LRBA: variants seen among roughly 807,000 people sequenced by gnomAD.
LRBA encodes the protein lipopolysaccharide-responsive and beige-like anchor protein.
LRBA carries 176 observed loss-of-function variants against 330.0 expected under a neutral mutation model. The observed-to-expected ratio is 0.53, with a 90% CI of 0.47 to 0.60. LRBA has a LOEUF of 0.60. LRBA is among the 20% of genes least tolerant of loss of function. The probability of loss-of-function intolerance (pLI) is 0.00; values close to 1 mark genes in which losing one functional copy is unlikely to be tolerated. For synonymous variants in LRBA, 1,230 were observed against 1,193.0 expected (o/e 1.03, Z -0.64); for missense variants, 3,259 against 3,444.8 (o/e 0.95, Z 1.35).
At chr4:150,604,587 A>T (rs1448818945) in intron 37 of LRBA, among the ~76,000 whole-genome samples, 2 of 152,136 alleles carry the variant, frequency 1.3e-5, no homozygotes, top group Non-Finnish European at 2.9e-5. Flanking sequence ...GATGTCATGG[A>T]AAAGGCAGAT....
rs1381955421 is a variant in LRBA at position 150,905,844 on chromosome 4, T to A, written c.1749A>T (p.Pro583=). The A allele has an allele frequency of 8.7e-6, 14 of 1,612,122 alleles. No individual in the cohort carries two copies. Among genetic ancestry groups the A allele is most frequent in the Non-Finnish European group, 1.1e-5 (13 of 1,178,850 alleles). Residue 583 remains proline (P), a synonymous_variant, in exon 13 of 57, where the codon CCA becomes CCT. Transcript: ENST00000651943. ...ATATATAGATATATATTACCTTGGC[T>A]GGGGTATGAATCCATATGGCAGGAT... ...LLNPAIWIHT[P]AKVQLMLYTY... is the part of the protein sequence containing the mutation.
chr4:150,942,057 A>G (rs1735729012), intron 2 of LRBA, among the ~76,000 whole-genome samples: 1 of 152,218 alleles, frequency 6.6e-6, no homozygotes, highest in Admixed American at 6.5e-5. Flanking sequence ...GAATGTCACT[A>G]GAAACAAATA....
rs1319715023 is a variant in LRBA, at chr4:150,964,091, G to A, written c.217-35026C>T. Among the ~76,000 whole-genome samples the A allele has an allele frequency of 2.0e-5, 3 of 148,842 alleles. 1 individual carries two copies. The highest frequency in any genetic ancestry group is 7.8e-5 in the African/African-American group (3 of 38,396). ...AGCCTCCCCGTCCGGGAAGTGAGGA[G>A]CGTCTCCGCCCGGCAGCCGCCCCGT... On this transcript the variant is annotated intron_variant, in intron 2 of 56. Transcript: ENST00000651943.
intron 2 of LRBA, among the ~76,000 whole-genome samples, chr4:150,937,783 G>T (rs1347550028): frequency 6.6e-6 from 1 of 152,046 alleles, no homozygotes; most frequent in Non-Finnish European, 1.5e-5. Flanking sequence ...TATAAGTTTT[G>T]TATGAGGACT....
rs1731302492 is a variant in LRBA at position 150,906,063 on chromosome 4, G to A, written c.1603-73C>T. ...AGTGAATTACAGGCTGTCCCTACCA[G>A]GAAAAAAACTGGCCCACAAATTATG... is the stretch of plus-strand genomic sequence containing the variant. On this transcript the variant is annotated intron_variant, in intron 12 of 56. Coordinates refer to ENST00000651943, the MANE Select transcript of LRBA (RefSeq NM_001364905.1). 17 of 1,325,242 alleles carry A rather than the reference G, an allele frequency of 1.3e-5. No individual in the cohort carries two copies. The South Asian group carries it at 2.0e-4, about 16-fold the overall frequency. The allele number at this position is 1,325,242 out of a possible 1,614,324, so 82.1% of individuals were successfully genotyped here.
At chr4:150,443,853 A>AAAATATATATATATATAT (rs70941406) in intron 44 of LRBA, among the ~76,000 whole-genome samples, 1 of 75,468 alleles carries the variant, frequency 1.3e-5, no homozygotes, top group Admixed American at 1.4e-4. Context: ...TAATTAAAAA[A>AAAATATATATATATATAT]ATATATATAT....
chr4:150,310,231 G>A lies in LRBA; in HGVS notation c.7847C>T (p.Thr2616Ile), dbSNP rs528727802. Residue 2616 changes from threonine (T) to isoleucine (I), a missense_variant and splice_region_variant, in exon 52 of 57, where the codon ACA becomes ATA. Coordinates refer to ENST00000651943, the MANE Select transcript of LRBA (RefSeq NM_001364905.1). ...DKSFRVYSTD[T>I]GRLIQVVFGH... Reference sequence around the variant, plus strand: ...CTGATAAAGAAAATGAAAATTACCTGTGTCTGTAGAATAGACTCTGAAACT... The same window carrying A: ...CTGATAAAGAAAATGAAAATTACCTATGTCTGTAGAATAGACTCTGAAACT... The A allele has an allele frequency of 5.5e-5, 89 of 1,607,648 alleles. No individual in the cohort carries two copies. Among genetic ancestry groups the A allele is most frequent in the Non-Finnish European group, 7.4e-5 (87 of 1,175,068 alleles).
Position 150,820,561 on chromosome 4 carries a change from T to TA in LRBA, c.5172-3305_5172-3304insT, listed in dbSNP as rs1340772062. 4.6e-5 allele frequency among the ~76,000 whole-genome samples: 7 copies of TA among 152,114 alleles called. No individual in the cohort carries two copies. In the South Asian group the frequency reaches 1.4e-3, roughly 31 times the overall value. ...TGAATTATTTCATATAGCTACATAATTAGTATATAATAGAGAAATAAAATC... is the reference window on the plus strand; with the variant it reads ...TGAATTATTTCATATAGCTACATAATATAGTATATAATAGAGAAATAAAATC... On this transcript the variant is annotated intron_variant, in intron 30 of 56. Transcript: ENST00000651943.
At chr4:150,568,700 T>A (rs1368865162) in intron 40 of LRBA, among the ~76,000 whole-genome samples, 1 of 152,142 alleles carries the variant, frequency 6.6e-6, no homozygotes, top group Non-Finnish European at 1.5e-5. Context: ...CAAGATTATA[T>A]CAAATTAACA....
At chr4:150,934,600 G>T (rs921009701) in intron 2 of LRBA, among the ~76,000 whole-genome samples, 1 of 152,076 alleles carries the variant, frequency 6.6e-6, no homozygotes, top group Non-Finnish European at 1.5e-5. Flanking sequence ...GGCTGGGTGC[G>T]GTGGCTCACA....
intron 53 of LRBA, among the ~76,000 whole-genome samples, chr4:150,290,500 G>A (rs1442477028): frequency 6.6e-6 from 1 of 152,028 alleles, no homozygotes; most frequent in Non-Finnish European, 1.5e-5. Flanking sequence ...AATTGTCATG[G>A]CCTTCAATAA....
intron 36 of LRBA, among the ~76,000 whole-genome samples, chr4:150,714,600 T>C (rs1002440322): frequency 1.3e-5 from 2 of 152,160 alleles, no homozygotes; most frequent in African/African-American, 4.8e-5. Flanking sequence ...CTCTAGTTAA[T>C]ACCAATGTAT....
At chr4:150,359,009 G>A (rs1317408789) in intron 47 of LRBA, among the ~76,000 whole-genome samples, 1 of 151,848 alleles carries the variant, frequency 6.6e-6, no homozygotes, top group Non-Finnish European at 1.5e-5. Flanking sequence ...AAAATCCTTG[G>A]CAAAGTAGAA....
rs571977419 is a variant in LRBA at position 150,414,183 on chromosome 4, C to T, written c.7194+1255G>A. ...ACCAAAGCTCAGAAAGGTTAAACTG[C>T]TAAGGTCCCACAATCAGCAATGTGA... On this transcript the variant is annotated intron_variant, in intron 47 of 56. Transcript: ENST00000651943. 4.6e-5 allele frequency among the ~76,000 whole-genome samples: 7 copies of T among 152,234 alleles called. No individual in the cohort carries two copies. The South Asian group carries it at 1.5e-3, about 32-fold the overall frequency.
intron 37 of LRBA, among the ~76,000 whole-genome samples, chr4:150,675,589 G>A (rs900307459): frequency 1.5e-4 from 23 of 151,964 alleles, no homozygotes; most frequent in Admixed American, 7.2e-4. Flanking sequence ...GTGGTGGCAC[G>A]TGCCTGTAGT....
At chr4:150,605,460 C>T (rs754942044) in intron 37 of LRBA, among the ~76,000 whole-genome samples, 1 of 152,146 alleles carries the variant, frequency 6.6e-6, no homozygotes, top group Non-Finnish European at 1.5e-5. Flanking sequence ...AGTTCCAAAT[C>T]CTAGAACATT....
intron 40 of LRBA, chr4:150,581,330 C>G (rs1771300709): frequency 2.2e-6 from 1 of 451,334 alleles, no homozygotes; most frequent in Non-Finnish European, 4.5e-6. Flanking sequence ...TATATCCACT[C>G]CAACCCTCAC....
chr4:150,928,347 T>A (rs1445600174), intron 4 of LRBA, among the ~76,000 whole-genome samples, 169 bp downstream of exon 4: 1 of 152,242 alleles, frequency 6.6e-6, no homozygotes, highest in African/African-American at 2.4e-5. Context: ...TGCATACTCT[T>A]AGTGTCCAAG....
chr4:150,479,572 A>G (rs1192792506), intron 42 of LRBA, among the ~76,000 whole-genome samples: 1 of 152,152 alleles, frequency 6.6e-6, no homozygotes, highest in African/African-American at 2.4e-5. Context: ...CCATTTACAT[A>G]AAAGTTGTGA....
Sources: allele counts gnomAD v4.1 joint callset (sites outside exome capture counted in the v4.1 genomes callset), GRCh38; gene constraint gnomAD v4.1.1; transcripts MANE v1.5; gene names NCBI Gene and HGNC (gene_info 2026-07-23, HGNC 2026-07-21).